The following KITLG variants were observed in gnomAD, a reference collection of about 807,000 sequenced individuals.
The protein encoded by KITLG is c-Kit ligand.
In KITLG, 13 loss-of-function variants were observed where a neutral mutation model predicts 34.1. The observed-to-expected ratio is 0.38, with a 90% CI of 0.25 to 0.61. The LOEUF (loss-of-function observed/expected upper bound fraction) is 0.61, where lower values mean the gene tolerates loss of function less well. Among genes scored for constraint, KITLG ranks in the 20% least tolerant of loss-of-function variants. KITLG has a pLI of 0.60. For synonymous variants in KITLG, 110 were observed against 104.0 expected (o/e 1.06, Z -0.35); for missense variants, 292 against 318.9 (o/e 0.92, Z 0.64).
At chr12:88,570,387 A>G (rs1029657590) in intron 1 of KITLG, among the ~76,000 whole-genome samples, 4 of 152,096 alleles carry the variant, frequency 2.6e-5, no homozygotes, top group African/African-American at 9.7e-5. Flanking sequence ...ACAGCCATTT[A>G]CACTTCTGGT....
At chr12:88,565,610 C>A (rs1388888988) in intron 1 of KITLG, among the ~76,000 whole-genome samples, 1 of 151,984 alleles carries the variant, frequency 6.6e-6, no homozygotes, top group Non-Finnish European at 1.5e-5. Context: ...GGTGACAGAG[C>A]GAGACTCCAT....
At chr12:88,538,375 A>G (rs1475046011) in intron 2 of KITLG, among the ~76,000 whole-genome samples, 2 of 151,854 alleles carry the variant, frequency 1.3e-5, no homozygotes, top group Admixed American at 6.6e-5. Flanking sequence ...TTAGACACAT[A>G]GCATCATCTC....
rs116903389 is a variant in KITLG at position 88,546,013 on chromosome 12, T to C, written c.16-148A>G. 1,760 of 734,080 alleles carry C rather than the reference T, an allele frequency of 2.4e-3. 33 individuals carry two copies. In the East Asian group the frequency reaches 0.038, roughly 16 times the overall value. The allele number at this position is 734,080 out of a possible 1,614,324, so 45.5% of individuals were successfully genotyped here. ...GCAATTAAATATTACGCATTCAAGC[T>C]ATGCTCACCAAAGTTTTTAAAAGCT... On this transcript the variant is annotated intron_variant, in intron 1 of 9. Transcript: ENST00000644744.
At chr12:88,508,452 C>T (rs188320995) in intron 6 of KITLG, among the ~76,000 whole-genome samples, 5 of 151,966 alleles carry the variant, frequency 3.3e-5, no homozygotes, top group Admixed American at 3.3e-4. Flanking sequence ...CAGGAACAGC[C>T]CATTCCTCTA....
At chr12:88,572,407 A>G (rs1207065475) in intron 1 of KITLG, among the ~76,000 whole-genome samples, 1 of 151,284 alleles carries the variant, frequency 6.6e-6, no homozygotes, top group East Asian at 1.9e-4. Context: ...GCCTAAATAC[A>G]TTTTTTTCTT....
chr12:88,541,437 T>A (rs960460938), intron 2 of KITLG, among the ~76,000 whole-genome samples: 5 of 152,164 alleles, frequency 3.3e-5, no homozygotes, highest in African/African-American at 1.2e-4. Flanking sequence ...CATATTGAGT[T>A]AAATTGCCTC....
intron 1 of KITLG, among the ~76,000 whole-genome samples, chr12:88,551,899 T>G (rs1433381024): frequency 6.6e-6 from 1 of 152,160 alleles, no homozygotes; most frequent in Admixed American, 6.5e-5. Flanking sequence ...CCCATGGTCC[T>G]TAAAAATGGA....
chr12:88,550,677 A>G (rs546729931), intron 1 of KITLG, among the ~76,000 whole-genome samples: 1 of 152,272 alleles, frequency 6.6e-6, no homozygotes, highest in East Asian at 1.9e-4. Flanking sequence ...GGTCTGTCCA[A>G]TTCTAACTCC....
intron 1 of KITLG, among the ~76,000 whole-genome samples, chr12:88,570,664 A>C (rs1871618223): frequency 6.6e-6 from 1 of 152,214 alleles, no homozygotes; most frequent in African/African-American, 2.4e-5. Context: ...TTGGCTTCAA[A>C]TACAAACTCT....
At chr12:88,513,279 A>C (rs1296378837) in intron 6 of KITLG, among the ~76,000 whole-genome samples, 1 of 151,734 alleles carries the variant, frequency 6.6e-6, no homozygotes. Flanking sequence ...ATAATGCAAA[A>C]GGGTGCTGTT....
At chr12:88,559,980 A>G (rs1414725342) in intron 1 of KITLG, among the ~76,000 whole-genome samples, 2 of 152,240 alleles carry the variant, frequency 1.3e-5, no homozygotes, top group Non-Finnish European at 2.9e-5. Context: ...CTCACTGTTT[A>G]TGAAGATGAT....
chr12:88,548,250 T>C (rs1253062480), intron 1 of KITLG, among the ~76,000 whole-genome samples: 3 of 152,016 alleles, frequency 2.0e-5, no homozygotes, highest in Non-Finnish European at 4.4e-5. Flanking sequence ...GGTCAGGAGA[T>C]CGAGACCAGC....
intron 9 of KITLG, among the ~76,000 whole-genome samples, chr12:88,503,161 CAG>C (rs1277479858): frequency 6.6e-6 from 1 of 152,146 alleles, no homozygotes; most frequent in African/African-American, 2.4e-5. Flanking sequence ...GTAAAAGTGA[CAG>C]AGTGTGTAGA....
chr12:88,574,176 T>G (rs368079780), intron 1 of KITLG, among the ~76,000 whole-genome samples: 5 of 152,150 alleles, frequency 3.3e-5, no homozygotes, highest in African/African-American at 1.2e-4. Context: ...TCTTCATGGT[T>G]GTGGCCCTGT....
rs1263393773 is a variant in KITLG, at chr12:88,516,478, A to AT, written c.375dup (p.Ser126IlefsTer13). 1.3e-6 allele frequency: 2 copies of AT among 1,599,402 alleles called. No homozygotes were observed. Among genetic ancestry groups the AT allele is most frequent in the Non-Finnish European group, 1.7e-6 (2 of 1,173,038 alleles). ...AGCCTGGGTTCTGGGCTCTTGAATG[A>AT]TTTTTTTAGATCCTAGAAGAAAAAA... On this transcript the variant is annotated frameshift_variant, in exon 5 of 10. Coordinates refer to ENST00000644744, the MANE Select transcript of KITLG (RefSeq NM_000899.5). LOFTEE classifies it high-confidence loss of function.
intron 3 of KITLG, among the ~76,000 whole-genome samples, chr12:88,529,481 A>G (rs1405021074): frequency 6.6e-6 from 1 of 152,204 alleles, no homozygotes; most frequent in Non-Finnish European, 1.5e-5. Flanking sequence ...AGAATCTGCT[A>G]GGTAATTTTC....
chr12:88,553,598 G>A (rs1177524113), intron 1 of KITLG, among the ~76,000 whole-genome samples: 1 of 151,978 alleles, frequency 6.6e-6, no homozygotes, highest in Non-Finnish European at 1.5e-5. Flanking sequence ...TATCGTCCTG[G>A]GTAGTTCTCG....
chr12:88,505,119 T>C, intron 9 of KITLG, 40 bp downstream of exon 9: 2 of 1,076,986 alleles, frequency 1.9e-6, no homozygotes, highest in Non-Finnish European at 1.4e-6. Context: ...TAAAGTATAA[T>C]AAAAAAAAGA....
chr12:88,571,195 C>T (rs574772194), intron 1 of KITLG, among the ~76,000 whole-genome samples: 1 of 152,262 alleles, frequency 6.6e-6, no homozygotes, highest in East Asian at 1.9e-4. Flanking sequence ...GTATAATGTT[C>T]TGTGTGATTT....
Sources: allele counts gnomAD v4.1 joint callset (sites outside exome capture counted in the v4.1 genomes callset), GRCh38; gene constraint gnomAD v4.1.1; transcripts MANE v1.5; gene names NCBI Gene and HGNC (gene_info 2026-07-23, HGNC 2026-07-21).